CNTNAP4: variants seen among roughly 807,000 people sequenced by gnomAD.
CNTNAP4 encodes contactin associated protein family member 4.
In CNTNAP4, 98 loss-of-function variants were observed where a neutral mutation model predicts 148.4. That is an observed-to-expected ratio of 0.66 (90% CI 0.56 to 0.78). The LOEUF (loss-of-function observed/expected upper bound fraction) is 0.78. Ranked by LOEUF, CNTNAP4 falls within the 30% of genes least tolerant of loss-of-function variation. The probability of loss-of-function intolerance (pLI) is 0.00; values close to 1 mark genes in which losing one functional copy is unlikely to be tolerated. For missense variants in CNTNAP4, 1,935 were observed against 1,565.6 expected, an observed-to-expected ratio of 1.24 and a Z score of -3.98; for synonymous variants, 730 against 565.1, an observed-to-expected ratio of 1.29 and a Z score of -4.14.
chr16:76,374,851 C>T (rs1455966302), intron 3 of CNTNAP4, among the ~76,000 whole-genome samples: 4 of 151,712 alleles, frequency 2.6e-5, no homozygotes, highest in Admixed American at 6.6e-5. Context: ...TCACAGCAAC[C>T]TCTGCCTCCT....
chr16:76,463,036 C>G (rs970088158), intron 9 of CNTNAP4, among the ~76,000 whole-genome samples: 3 of 152,000 alleles, frequency 2.0e-5, no homozygotes, highest in African/African-American at 7.2e-5. Flanking sequence ...AACAAACAAA[C>G]AAAAAAACTG....
chr16:76,461,926 A>C (rs1464047490), intron 8 of CNTNAP4, 30 bp from the exon 9 acceptor site: 5 of 1,608,462 alleles, frequency 3.1e-6, no homozygotes, highest in African/African-American at 1.3e-5. Flanking sequence ...CACTATTGAG[A>C]GCGATCTCTA....
chr16:76,489,915 C>G lies in CNTNAP4; in HGVS notation c.2080+32C>G, dbSNP rs1455410712. 3.6e-6 allele frequency: 5 copies of G among 1,387,978 alleles called. No individual in the cohort carries two copies. The South Asian group carries it at 4.8e-5, about 13-fold the overall frequency. The allele number at this position is 1,387,978 out of a possible 1,614,324, so 86.0% of individuals were successfully genotyped here. ...AAACCATGGTGTCTGTCTTGTTGCA[C>G]ACATCACATCATGCACTTACTCAAC... On this transcript the variant is annotated intron_variant, in intron 13 of 23. Coordinates refer to ENST00000611870, the MANE Select transcript of CNTNAP4 (RefSeq NM_033401.5).
chr16:76,517,533 T>C (rs1425457795), intron 15 of CNTNAP4, among the ~76,000 whole-genome samples: 3 of 152,374 alleles, frequency 2.0e-5, no homozygotes, highest in Middle Eastern at 6.8e-3. Context: ...TCGGCATTTC[T>C]AAATTTCATT....
At chr16:76,347,114 C>G (rs565345831) in intron 2 of CNTNAP4, among the ~76,000 whole-genome samples, 1 of 148,650 alleles carries the variant, frequency 6.7e-6, no homozygotes, top group Admixed American at 6.9e-5. Context: ...AATGATTAAG[C>G]TGTGTAGGTG....
chr16:76,479,362 A>G, intron 11 of CNTNAP4, 57 bp from the exon 12 acceptor site: 1 of 1,450,674 alleles, frequency 6.9e-7, no homozygotes, highest in South Asian at 1.5e-5. Flanking sequence ...TGTCCAAATT[A>G]AAAGTTAAGA....
intron 3 of CNTNAP4, among the ~76,000 whole-genome samples, chr16:76,376,263 G>C (rs1032012512): frequency 6.6e-6 from 1 of 152,182 alleles, no homozygotes; most frequent in African/African-American, 2.4e-5. Flanking sequence ...GGTGAGAGTA[G>C]ATGTCTCACT....
At chr16:76,360,939 C>T (rs1323769327) in intron 3 of CNTNAP4, among the ~76,000 whole-genome samples, 3 of 151,508 alleles carry the variant, frequency 2.0e-5, no homozygotes, top group Non-Finnish European at 4.4e-5. Context: ...GCCTCAGCCT[C>T]CCTAGTAGCT....
At chr16:76,540,657 A>T (rs1407378525) in intron 20 of CNTNAP4, 46 bp from the exon 21 acceptor site, 5 of 1,386,282 alleles carry the variant, frequency 3.6e-6, no homozygotes, top group Non-Finnish European at 5.0e-6. Flanking sequence ...TTCTCAACAA[A>T]ACGTCATCCA....
At chr16:76,462,296 C>G (rs1429581239) in intron 9 of CNTNAP4, among the ~76,000 whole-genome samples, 191 bp downstream of exon 9, 3 of 152,088 alleles carry the variant, frequency 2.0e-5, no homozygotes, top group Admixed American at 6.5e-5. Context: ...GCAAGGTGGA[C>G]TTACTTCTGT....
intron 3 of CNTNAP4, among the ~76,000 whole-genome samples, chr16:76,360,145 C>G (rs571514744): frequency 1.6e-4 from 24 of 152,130 alleles, no homozygotes; most frequent in Non-Finnish European, 3.4e-4. Context: ...GTTAGTATCT[C>G]TTTGTTTTTT....
rs1407122230 is a variant in CNTNAP4, at chr16:76,555,315, A to G, written c.3733+1408A>G. 3.3e-5 allele frequency among the ~76,000 whole-genome samples: 5 copies of G among 152,206 alleles called. No homozygotes were observed. The East Asian group carries it at 9.6e-4, about 29-fold the overall frequency. ...AATGATGTACAAATTAAAGTTATAAAAAATAGGATTCCCATTTAATCACCA... is the reference window on the plus strand; with the variant it reads ...AATGATGTACAAATTAAAGTTATAAGAAATAGGATTCCCATTTAATCACCA... On this transcript the variant is annotated intron_variant, in intron 23 of 23. Coordinates refer to ENST00000611870, the MANE Select transcript of CNTNAP4 (RefSeq NM_033401.5).
rs762747845 is a variant in CNTNAP4 at position 76,553,451 on chromosome 16, C to A, written c.3611C>A (p.Ala1204Asp). The part of the protein sequence containing the change: ...TGHVTESSCM[A>D]QPGTDATSRE... ...CACGTGACTGAGTCCAGCTGTATGG[C>A]CCAGCCTGGCACTGATGCCACATCA... is the stretch of plus-strand genomic sequence containing the variant. The change falls in exon 22 of 24, where the codon GCC (alanine) becomes GAC (aspartate). Residue 1204 changes from alanine (A) to aspartate (D), a missense_variant. By Grantham distance (126) the Ala-to-Asp change is moderately radical. Transcript: ENST00000611870. The A allele has an allele frequency of 1.2e-6, 2 of 1,612,350 alleles. No homozygotes were observed. The highest frequency in any genetic ancestry group is 1.7e-6 in the Non-Finnish European group (2 of 1,179,306).
chr16:76,387,897 A>G (rs959511998), intron 3 of CNTNAP4, among the ~76,000 whole-genome samples: 2 of 152,208 alleles, frequency 1.3e-5, no homozygotes, highest in Admixed American at 6.5e-5. Context: ...TTATAATGCA[A>G]ACACAGAAGG....
chr16:76,476,301 T>C (rs1191711354), intron 11 of CNTNAP4, among the ~76,000 whole-genome samples: 1 of 152,240 alleles, frequency 6.6e-6, no homozygotes, highest in Non-Finnish European at 1.5e-5. Context: ...AACGTGAATT[T>C]TGTTATCTTG....
At chr16:76,336,772 G>T (rs1424239202) in intron 2 of CNTNAP4, among the ~76,000 whole-genome samples, 1 of 152,182 alleles carries the variant, frequency 6.6e-6, no homozygotes, top group Non-Finnish European at 1.5e-5. Flanking sequence ...CAGCTTTTGA[G>T]TTGACATGTT....
chr16:76,445,456 T>C lies in CNTNAP4; in HGVS notation c.539-2556T>C, dbSNP rs183643344. On this transcript the variant is annotated intron_variant, in intron 4 of 23. Coordinates refer to ENST00000611870, the MANE Select transcript of CNTNAP4 (RefSeq NM_033401.5). The stretch of plus-strand genomic sequence containing the variant: ...ACGTGATGGGTCAAATAAAGTTTTA[T>C]TGAATGAATTCATAGAATTGCATTG... 8.5e-4 allele frequency among the ~76,000 whole-genome samples: 129 copies of C among 152,288 alleles called. 1 individual carries two copies. The highest frequency in any genetic ancestry group is 1.3e-3 in the Non-Finnish European group (87 of 68,020).
chr16:76,523,784 T>C (rs2083589487), intron 17 of CNTNAP4, among the ~76,000 whole-genome samples: 1 of 151,940 alleles, frequency 6.6e-6, no homozygotes, highest in African/African-American at 2.4e-5. Context: ...TTAAAAAAAT[T>C]AGGCAGGCAT....
At chr16:76,424,497 T>C (rs1027475694) in intron 3 of CNTNAP4, among the ~76,000 whole-genome samples, 1 of 152,132 alleles carries the variant, frequency 6.6e-6, no homozygotes, top group Non-Finnish European at 1.5e-5. Flanking sequence ...TTCACGCCTG[T>C]AATCCTAACA....
Sources: allele counts gnomAD v4.1 joint callset (sites outside exome capture counted in the v4.1 genomes callset), GRCh38; gene constraint gnomAD v4.1.1; transcripts MANE v1.5; gene names NCBI Gene and HGNC (gene_info 2026-07-23, HGNC 2026-07-21).